TMEM207: variants seen among roughly 807,000 people sequenced by gnomAD.
TMEM207 encodes the protein transmembrane protein 207.
Under a neutral mutation model 17.4 loss-of-function variants are expected in TMEM207, and 15 were observed. That is an observed-to-expected ratio of 0.86 (90% CI 0.58 to 1.33). The LOEUF is 1.33. Among genes scored for constraint, TMEM207 ranks in the 40% most tolerant of loss-of-function variants. The pLI is 0.00. For missense variants in TMEM207, 205 were observed against 173.8 expected (o/e 1.18, Z -1.01); for synonymous variants, 70 against 65.6 (o/e 1.07, Z -0.33).
intron 2 of TMEM207, among the ~76,000 whole-genome samples, chr3:190,446,503 G>T (rs544071161): frequency 4.1e-4 from 21 of 51,454 alleles, no homozygotes; most frequent in Admixed American, 2.0e-3. Flanking sequence ...TCATTTGAGG[G>T]TTAATTTTTT....
At chr3:190,440,633 G>A (rs1313244014) in intron 3 of TMEM207, among the ~76,000 whole-genome samples, 1 of 152,134 alleles carries the variant, frequency 6.6e-6, no homozygotes, top group Non-Finnish European at 1.5e-5. Context: ...TTAGAAATTG[G>A]AGGGTTATTC....
chr3:190,440,415 G>A lies in TMEM207; in HGVS notation c.159-26C>T, dbSNP rs374209404. 1.9e-6 allele frequency: 3 copies of A among 1,598,502 alleles called. No individual in the cohort carries two copies. In the African/African-American group the frequency reaches 4.1e-5, roughly 22 times the overall value. On this transcript the variant is annotated intron_variant, in intron 3 of 4. Coordinates refer to ENST00000354905, the MANE Select transcript of TMEM207 (RefSeq NM_207316.3). ...CTGACTCCAAAAGTAACCGAGAAAA[G>A]AATGAGGTAGAGTATGCAGGGAAGT...
At chr3:190,446,349 C>G (rs1720049855) in intron 2 of TMEM207, among the ~76,000 whole-genome samples, 1 of 152,174 alleles carries the variant, frequency 6.6e-6, no homozygotes, top group Non-Finnish European at 1.5e-5. Flanking sequence ...ACTTTCCTTA[C>G]AGATTCATTC....
Position 190,429,476 on chromosome 3 carries a change from C to G in TMEM207, c.*119G>C, listed in dbSNP as rs752216631. The G allele has an allele frequency of 7.1e-7, 1 of 1,400,928 alleles. No homozygotes were observed. The highest frequency in any genetic ancestry group is 9.6e-7 in the Non-Finnish European group (1 of 1,039,824). The allele number at this position is 1,400,928 out of a possible 1,614,324, so 86.8% of individuals were successfully genotyped here. ...CCATTCTTTTGTCGAATTGTCCTTC[C>G]TCAGACTATATGAATAGATCTCTGG... On this transcript the variant is annotated 3_prime_UTR_variant, in exon 5 of 5. Coordinates refer to ENST00000354905, the MANE Select transcript of TMEM207 (RefSeq NM_207316.3).
chr3:190,439,792 T>C (rs1018386748), intron 4 of TMEM207, among the ~76,000 whole-genome samples: 4 of 152,192 alleles, frequency 2.6e-5, no homozygotes, highest in African/African-American at 4.8e-5. Context: ...AGATTCTGCA[T>C]TGACCGCAGA....
intron 4 of TMEM207, among the ~76,000 whole-genome samples, chr3:190,439,078 G>A (rs1719867705): frequency 6.6e-6 from 1 of 151,214 alleles, no homozygotes; most frequent in Non-Finnish European, 1.5e-5. Flanking sequence ...TCGGGAGGCT[G>A]AGGCAGGAGA....
At chr3:190,448,252 A>G (rs1398622184) in intron 1 of TMEM207, among the ~76,000 whole-genome samples, 1 of 152,108 alleles carries the variant, frequency 6.6e-6, no homozygotes, top group East Asian at 1.9e-4. Context: ...TGGAAACAGA[A>G]GTCAAGCCTA....
intron 2 of TMEM207, among the ~76,000 whole-genome samples, chr3:190,442,224 G>T (rs576044941): frequency 1.3e-5 from 2 of 152,222 alleles, no homozygotes; most frequent in East Asian, 3.9e-4. Flanking sequence ...TGGGCTGATG[G>T]ACTTTTTTCA....
chr3:190,429,973 C>G (rs1463266504), intron 4 of TMEM207, among the ~76,000 whole-genome samples: 2 of 152,098 alleles, frequency 1.3e-5, no homozygotes, highest in African/African-American at 4.8e-5. Context: ...CATCAAGAAG[C>G]ATTTACAATT....
intron 2 of TMEM207, among the ~76,000 whole-genome samples, chr3:190,447,526 G>A (rs1720076272): frequency 6.6e-6 from 1 of 151,954 alleles, no homozygotes; most frequent in Non-Finnish European, 1.5e-5. Context: ...GAAACCTTAA[G>A]GAAGATAAAT....
At chr3:190,443,145 C>CTTTTTTTTTTTTTTTTTT (rs201791052) in intron 2 of TMEM207, among the ~76,000 whole-genome samples, 7 of 140,384 alleles carry the variant, frequency 5.0e-5, no homozygotes, top group Non-Finnish European at 4.7e-5. Context: ...ATTAAAAAAG[C>CTTTTTTTTTTTTTTTTTT]TTTTTTTTTT....
At chr3:190,448,495 T>C (rs931716566) in intron 1 of TMEM207, among the ~76,000 whole-genome samples, 1 of 152,112 alleles carries the variant, frequency 6.6e-6, no homozygotes, top group Non-Finnish European at 1.5e-5. Flanking sequence ...GGTTACAACA[T>C]CTCATATACT....
rs562336961 is a variant in TMEM207, at chr3:190,436,640, A to G, written c.304+3604T>C. 2.6e-5 allele frequency among the ~76,000 whole-genome samples: 4 copies of G among 152,330 alleles called. No individual in the cohort carries two copies. In the South Asian group the frequency reaches 8.3e-4, roughly 32 times the overall value. On this transcript the variant is annotated intron_variant, in intron 4 of 4. Coordinates refer to ENST00000354905, the MANE Select transcript of TMEM207 (RefSeq NM_207316.3). Reference sequence around the variant, plus strand: ...CTTTTGGAGAGCAGCTTCTTTTTATAGAAATATTAGGTAGGAAGAATGATT... The same window carrying G: ...CTTTTGGAGAGCAGCTTCTTTTTATGGAAATATTAGGTAGGAAGAATGATT...
rs530560604 is a variant in TMEM207 at position 190,434,918 on chromosome 3, A to C, written c.305-5187T>G. 2.0e-5 allele frequency among the ~76,000 whole-genome samples: 3 copies of C among 152,338 alleles called. No individual in the cohort carries two copies. The East Asian group carries it at 5.8e-4, about 29-fold the overall frequency. On this transcript the variant is annotated intron_variant, in intron 4 of 4. Transcript: ENST00000354905. Reference sequence around the variant, plus strand: ...AAGAGGAAGTGGGGCTGAAGAAAAAAAGAAGAATTTAGAATCTGTATAAAA... The same window carrying C: ...AAGAGGAAGTGGGGCTGAAGAAAAACAGAAGAATTTAGAATCTGTATAAAA...
chr3:190,448,813 A>T (rs1354126626), intron 1 of TMEM207, among the ~76,000 whole-genome samples: 1 of 152,146 alleles, frequency 6.6e-6, no homozygotes, highest in African/African-American at 2.4e-5. Flanking sequence ...TTACTCCACC[A>T]AGTTTATCTG....
chr3:190,446,723 T>C (rs1472090394), intron 2 of TMEM207, among the ~76,000 whole-genome samples: 1 of 152,212 alleles, frequency 6.6e-6, no homozygotes, highest in African/African-American at 2.4e-5. Flanking sequence ...ACTTTCTTAA[T>C]ACCGTATGTT....
chr3:190,449,525 G>GA (rs917709991), intron 1 of TMEM207, among the ~76,000 whole-genome samples: 33 of 152,310 alleles, frequency 2.2e-4, no homozygotes, highest in African/African-American at 7.9e-4. Context: ...AGAACTAATT[G>GA]AAGGAGAAAT....
At chr3:190,444,563 A>G (rs1454381071) in intron 2 of TMEM207, 2 of 516,068 alleles carry the variant, frequency 3.9e-6, no homozygotes, top group African/African-American at 2.1e-5. Context: ...ATAGGCCAAT[A>G]GTGAGATCAG....
chr3:190,437,452 T>C (rs1307623905), intron 4 of TMEM207, among the ~76,000 whole-genome samples: 6 of 152,244 alleles, frequency 3.9e-5, no homozygotes, highest in African/African-American at 7.2e-5. Context: ...TCCAAGTTGA[T>C]ATTTAGGAAT....
Sources: allele counts gnomAD v4.1 joint callset (sites outside exome capture counted in the v4.1 genomes callset), GRCh38; gene constraint gnomAD v4.1.1; transcripts MANE v1.5; gene names NCBI Gene and HGNC (gene_info 2026-07-23, HGNC 2026-07-21).